The following ZNF839 variants were observed in gnomAD, a reference collection of about 807,000 sequenced individuals.
ZNF839 encodes renal carcinoma antigen NY-REN-50.
Under a neutral mutation model 56.4 loss-of-function variants are expected in ZNF839, and 38 were observed. The observed-to-expected ratio is 0.67, with a 90% CI of 0.52 to 0.88. The LOEUF (loss-of-function observed/expected upper bound fraction) is 0.88, where lower values mean the gene tolerates loss of function less well. Among genes scored for constraint, ZNF839 ranks in the 40% least tolerant of loss-of-function variants. The pLI is 0.00. For synonymous variants in ZNF839, 486 were observed against 493.5 expected (o/e 0.98, Z 0.20); for missense variants, 1,091 against 1,177.6 (o/e 0.93, Z 1.08).
In ZNF839 at chr14:102,341,380, C is replaced by A. The variant is rs187162307; in HGVS notation, c.1985C>A (p.Thr662Lys). 1 of 1,547,546 alleles carries A rather than the reference C, an allele frequency of 6.5e-7. No homozygotes were observed. The highest frequency in any genetic ancestry group is 8.7e-7 in the Non-Finnish European group (1 of 1,149,862). Residue 662 changes from threonine (T) to lysine (K), a missense_variant, in exon 8 of 8, where the codon ACG becomes AAG. By Grantham distance (78) the Thr-to-Lys change is moderately conservative. This residue lies in a region of ZNF839 where 431 missense variants were observed against 468.0 expected (regional missense o/e 0.92). Transcript: ENST00000442396. ...CCCCGTTCTGAAGAAAGCCATACAACGACGGTTTCTGGTGGCAATGGGAGC... is the reference window on the plus strand; with the variant it reads ...CCCCGTTCTGAAGAAAGCCATACAAAGACGGTTTCTGGTGGCAATGGGAGC... ...VSPRSEESHT[T>K]TVSGGNGSVF... is the part of the protein sequence containing the mutation.
Position 102,341,941 on chromosome 14 carries a change from G to C in ZNF839, c.2546G>C (p.Cys849Ser), listed in dbSNP as rs958564138. 6.2e-7 allele frequency: 1 copy of C among 1,614,070 alleles called. No homozygotes were observed. Among genetic ancestry groups the C allele is most frequent in the East Asian group, 2.2e-5 (1 of 44,886 alleles). The change falls in exon 8 of 8, where the codon TGT becomes TCT. Residue 849 changes from cysteine to serine, a missense_variant. Cys to Ser is a moderately radical substitution (Grantham distance 112, BLOSUM62 -1). Coordinates refer to ENST00000442396, the MANE Select transcript of ZNF839 (RefSeq NM_018335.6). Reference protein sequence around the residue: ...SLSGDLNRFPCGMEVHSGQRE... With the variant: ...SLSGDLNRFPSGMEVHSGQRE... Reference sequence around the variant, plus strand: ...TCGGGGGACTTGAACCGGTTCCCCTGTGGGATGGAGGTGCACTCTGGCCAG... The same window carrying C: ...TCGGGGGACTTGAACCGGTTCCCCTCTGGGATGGAGGTGCACTCTGGCCAG...
chr14:102,336,655 A>G (rs1385123461), intron 5 of ZNF839: 2 of 434,746 alleles, frequency 4.6e-6, no homozygotes, highest in Non-Finnish European at 4.6e-6. Flanking sequence ...AATGAAGATA[A>G]GCTAGAAGAA....
chr14:102,338,446 G>A (rs1411602934), intron 5 of ZNF839, among the ~76,000 whole-genome samples: 2 of 149,240 alleles, frequency 1.3e-5, no homozygotes, highest in Non-Finnish European at 3.0e-5. Flanking sequence ...GCTGAAGCAG[G>A]AGAATCACTT....
chr14:102,339,251 G>A (rs1597735155), intron 7 of ZNF839, 28 bp downstream of exon 7: 1 of 1,603,550 alleles, frequency 6.2e-7, no homozygotes. Context: ...TTTGTGGGGT[G>A]TATCCATGGC....
Position 102,326,716 on chromosome 14 carries a change from G to T in ZNF839, c.1020G>T (p.Gln340His), listed in dbSNP as rs1164496091. ...TTAAACTTAACCCAGGCCACGGCCA[G>T]TTGGACCCCGAGATGGTGCTGTCTG... is the stretch of plus-strand genomic sequence containing the variant. ...RHFKLNPGHG[Q>H]LDPEMVLSEK... is the part of the protein sequence containing the mutation. Residue 340 changes from glutamine to histidine, a missense_variant, in exon 2 of 8, where the codon CAG becomes CAT. Gln to His is a conservative substitution (Grantham distance 24). Around this residue, in one of 3 missense-constraint regions of ZNF839, gnomAD observed 614 missense variants for 629.2 expected, o/e 0.98. Transcript: ENST00000442396. The surrounding 1 kb of genome is among the most constrained non-coding windows in gnomAD (Gnocchi z 4.3). 1.9e-6 allele frequency: 3 copies of T among 1,613,012 alleles called. No individual in the cohort carries two copies. Among genetic ancestry groups the T allele is most frequent in the Non-Finnish European group, 2.5e-6 (3 of 1,179,572 alleles).
chr14:102,320,023 C>T lies in ZNF839; in HGVS notation c.258C>T (p.Pro86=), dbSNP rs1231736463. 2.5e-6 allele frequency: 3 copies of T among 1,180,628 alleles called. No individual in the cohort carries two copies. Among genetic ancestry groups the T allele is most frequent in the East Asian group, 3.6e-5 (1 of 27,650 alleles). The allele number at this position is 1,180,628 out of a possible 1,614,324, so 73.1% of individuals were successfully genotyped here. A position where few individuals can be genotyped will look rare whatever the true frequency, so the allele number is the denominator to read the frequency against. Residue 86 remains proline (P), a synonymous_variant, in exon 1 of 8, where the codon CCC becomes CCT. Coordinates refer to ENST00000442396, the MANE Select transcript of ZNF839 (RefSeq NM_018335.6). The part of the protein sequence containing the change: ...AALQRGRGTE[P]PRLPRLLPPQ... ...TGCAGCGGGGCCGGGGCACCGAGCCCCCGCGCCTGCCGCGCCTGCTCCCGC... is the reference window on the plus strand; with the variant it reads ...TGCAGCGGGGCCGGGGCACCGAGCCTCCGCGCCTGCCGCGCCTGCTCCCGC...
intron 1 of ZNF839, among the ~76,000 whole-genome samples, chr14:102,322,177 C>T (rs1334979052): frequency 6.6e-6 from 1 of 152,196 alleles, no homozygotes; most frequent in Non-Finnish European, 1.5e-5. Flanking sequence ...CTTGATTGCA[C>T]CTGTTGTACC....
chr14:102,336,703 C>T, intron 5 of ZNF839: 1 of 402,086 alleles, frequency 2.5e-6, no homozygotes, highest in Non-Finnish European at 4.8e-6. Context: ...CACTGATGAT[C>T]AGAGTTAAAA....
upstream of ZNF839, chr14:102,319,427 A>C: frequency 5.0e-6 from 1 of 200,990 alleles, no homozygotes; most frequent in Non-Finnish European, 1.0e-5. This position sits in a 1 kb window ranked among gnomAD's most constrained non-coding sequence, Gnocchi z 4.5. Context: ...TGATGACGTC[A>C]GAACACTTGG....
intron 2 of ZNF839, among the ~76,000 whole-genome samples, chr14:102,328,367 AAAAAAAAAATATATATAT>A (rs2073539551): frequency 2.5e-5 from 1 of 40,630 alleles, no homozygotes; most frequent in African/African-American, 9.8e-5. Flanking sequence ...AAAAAAAAAA[AAAAAAAAAATATATATAT>A]ATATATATAT....
rs1298348930 is a variant in ZNF839 at position 102,341,308 on chromosome 14, T to G, written c.1928-15T>G. ...ACAGTACACGCCATGTTCACCTGTT[T>G]CCCAAAATGTTTAGGTTTTTCCCCT... On this transcript the variant is annotated splice_polypyrimidine_tract_variant and intron_variant, in intron 7 of 7. Coordinates refer to ENST00000442396, the MANE Select transcript of ZNF839 (RefSeq NM_018335.6). 3.3e-6 allele frequency: 5 copies of G among 1,514,582 alleles called. No individual in the cohort carries two copies. Among genetic ancestry groups the G allele is most frequent in the Non-Finnish European group, 3.5e-6 (4 of 1,131,972 alleles). 93.8% of individuals were successfully genotyped at this position (1,514,582 alleles called of 1,614,324 possible). A position where few individuals can be genotyped will look rare whatever the true frequency, so the allele number is the denominator to read the frequency against.
At chr14:102,328,369 AAAAAAAATATATAT>A (rs2073543603) in intron 2 of ZNF839, among the ~76,000 whole-genome samples, 2 of 35,126 alleles carry the variant, frequency 5.7e-5, no homozygotes, top group African/African-American at 1.0e-4. Flanking sequence ...AAAAAAAAAA[AAAAAAAATATATAT>A]ATATATATAT....
Position 102,335,772 on chromosome 14 carries a change from G to C in ZNF839, c.1593G>C (p.Met531Ile), listed in dbSNP as rs776474156. Reference protein sequence around the residue: ...FEELHKMVKKMCQDYLSSSGL... With the variant: ...FEELHKMVKKICQDYLSSSGL... ...AGTTGCATAAAATGGTTAAGAAAAT[G>C]TGCCAAGATTACCTCAGTAGTTCTG... The change falls in exon 5 of 8, where the codon ATG becomes ATC. Residue 531 changes from methionine (M) to isoleucine (I), a missense_variant. Met to Ile is a conservative substitution (Grantham distance 10). Coordinates refer to ENST00000442396, the MANE Select transcript of ZNF839 (RefSeq NM_018335.6). 6.2e-7 allele frequency: 1 copy of C among 1,606,028 alleles called. No individual in the cohort carries two copies. The highest frequency in any genetic ancestry group is 8.5e-7 in the Non-Finnish European group (1 of 1,179,842).
intron 3 of ZNF839, among the ~76,000 whole-genome samples, chr14:102,333,383 C>T (rs779074740): frequency 5.9e-5 from 9 of 151,622 alleles, no homozygotes; most frequent in Admixed American, 2.0e-4. Context: ...ATCAGCCTCC[C>T]GAGTAGCTGG....
At position 102,331,367 on chromosome 14, in the gene ZNF839, A is replaced by G. The variant is rs1482752726; in HGVS notation, c.1192-255A>G. ...AGGTTCAGGTGATTCTCCTGCTTCA[A>G]CCTCCCGAGTAGCCAGGACTACAGG... On this transcript the variant is annotated intron_variant, in intron 2 of 7. Coordinates refer to ENST00000442396, the MANE Select transcript of ZNF839 (RefSeq NM_018335.6). Among the ~76,000 whole-genome samples, 3 of 151,792 alleles carry G rather than the reference A, an allele frequency of 2.0e-5. No homozygotes were observed. The highest frequency in any genetic ancestry group is 4.8e-5 in the African/African-American group (2 of 41,290).
At chr14:102,338,569 T>G (rs947694913) in intron 5 of ZNF839, among the ~76,000 whole-genome samples, 4 of 149,440 alleles carry the variant, frequency 2.7e-5, no homozygotes, top group African/African-American at 9.9e-5. Context: ...AAAAAAAGAT[T>G]GGTCTCCTCC....
intron 4 of ZNF839, 96 bp from the exon 5 acceptor site, chr14:102,335,593 G>T: frequency 7.8e-7 from 1 of 1,275,850 alleles, no homozygotes; most frequent in Non-Finnish European, 1.1e-6. Flanking sequence ...GCTGCTGAGG[G>T]GTTAAGGAAC....
chr14:102,325,009 T>C (rs1169603494), intron 1 of ZNF839, among the ~76,000 whole-genome samples: 1 of 152,182 alleles, frequency 6.6e-6, no homozygotes, highest in Non-Finnish European at 1.5e-5. Flanking sequence ...ATCTCTTCAC[T>C]GGTCATGAAA....
intron 1 of ZNF839, among the ~76,000 whole-genome samples, chr14:102,323,879 G>A (rs1023674722): frequency 6.6e-6 from 1 of 152,056 alleles, no homozygotes; most frequent in Non-Finnish European, 1.5e-5. Context: ...AAATGAACCC[G>A]TGACACCTAC....
Sources: allele counts gnomAD v4.1 joint callset (sites outside exome capture counted in the v4.1 genomes callset), GRCh38; gene constraint gnomAD v4.1.1; regional missense constraint gnomAD v4.1.1; non-coding constraint Gnocchi (gnomAD v3.1); transcripts MANE v1.5; gene names NCBI Gene and HGNC (gene_info 2026-07-23, HGNC 2026-07-21).